The following SRPRA variants were observed in gnomAD, a reference collection of about 807,000 sequenced individuals.
SRPRA encodes signal recognition particle receptor subunit alpha.
Under a neutral mutation model 61.1 loss-of-function variants are expected in SRPRA, and 30 were observed. That is an observed-to-expected ratio of 0.49 (90% CI 0.37 to 0.67). The LOEUF is 0.67. Ranked by LOEUF, SRPRA falls within the 30% of genes least tolerant of loss-of-function variation. SRPRA has a pLI of 0.00. For missense variants in SRPRA, 759 were observed against 828.4 expected (o/e 0.92, Z 1.03); for synonymous variants, 324 against 299.7 (o/e 1.08, Z -0.84).
rs764192882 is a variant in SRPRA, at chr11:126,267,189, C to T, written c.512G>A (p.Gly171Glu). Residue 171 changes from glycine to glutamate, a missense_variant, in exon 4 of 14, where the codon GGG becomes GAG. Transcript: ENST00000332118. The surrounding 1 kb of genome is among the most constrained non-coding windows in gnomAD (Gnocchi z 4.2). ...KEKAKNSKKKGAKKEGSDGPL... is the reference protein window; with the variant it reads ...KEKAKNSKKKEAKKEGSDGPL... ...CTCAAACTTGCCTTCCTTCTTGGCCCCCTTTTTTTTGCTATTCTTTGCTTT... is the reference window on the plus strand; with the variant it reads ...CTCAAACTTGCCTTCCTTCTTGGCCTCCTTTTTTTTGCTATTCTTTGCTTT... The T allele has an allele frequency of 3.8e-5, 62 of 1,613,998 alleles. No individual in the cohort carries two copies. The Admixed American group carries it at 5.2e-4, about 13-fold the overall frequency.
chr11:126,265,108 G>A lies in SRPRA; in HGVS notation c.1376C>T (p.Ala459Val), dbSNP rs775504890. 2.7e-5 allele frequency: 44 copies of A among 1,614,006 alleles called. No homozygotes were observed. Among genetic ancestry groups the A allele is most frequent in the Non-Finnish European group, 3.7e-5 (44 of 1,180,026 alleles). The stretch of plus-strand genomic sequence containing the variant: ...TGTACGCAGCTGCTCCACGGCCCCA[G>A]CACGAAATGTATCACAGGCAGCAAT... ...VLIAACDTFRAGAVEQLRTHT... is the reference protein window; with the variant it reads ...VLIAACDTFRVGAVEQLRTHT... The change falls in exon 11 of 14, where the codon GCT becomes GTT. Residue 459 changes from alanine (A) to valine (V), a missense_variant. This residue lies in a region of SRPRA where 284 missense variants were observed against 365.9 expected (regional missense o/e 0.78). Coordinates refer to ENST00000332118, the MANE Select transcript of SRPRA (RefSeq NM_003139.4). The surrounding 1 kb of genome is among the most constrained non-coding windows in gnomAD (Gnocchi z 6.3).
Position 126,268,722 on chromosome 11 carries a change from G to A in SRPRA, c.83C>T (p.Pro28Leu), listed in dbSNP as rs758181177. 6.2e-7 allele frequency: 1 copy of A among 1,613,874 alleles called. No individual in the cohort carries two copies. Among genetic ancestry groups the A allele is most frequent in the Non-Finnish European group, 8.5e-7 (1 of 1,180,018 alleles). The change falls in exon 1 of 14, where the codon CCC (proline) becomes CTC (leucine). Residue 28 changes from proline (P) to leucine (L), a missense_variant. This residue lies in a region of SRPRA where 475 missense variants were observed against 462.5 expected (regional missense o/e 1.03). Coordinates refer to ENST00000332118, the MANE Select transcript of SRPRA (RefSeq NM_003139.4). ...FQGVSDSCTGPVNALIRSVLL... is the reference protein window; with the variant it reads ...FQGVSDSCTGLVNALIRSVLL... Reference sequence around the variant, plus strand: ...CACGGAACGAATCAACGCGTTAACGGGTCCGGTGCATGAGTCGCTAACGCC... The same window carrying A: ...CACGGAACGAATCAACGCGTTAACGAGTCCGGTGCATGAGTCGCTAACGCC...
chr11:126,261,883 T>G (rs1212835234), downstream of SRPRA, among the ~76,000 whole-genome samples: 1 of 152,050 alleles, frequency 6.6e-6, no homozygotes, highest in African/African-American at 2.4e-5. Flanking sequence ...TCCCGGCTAC[T>G]GGCTGAGGTA....
Position 126,266,089 on chromosome 11 carries a change from G to T in SRPRA, c.933-8C>A. 6.2e-7 allele frequency: 1 copy of T among 1,613,798 alleles called. No individual in the cohort carries two copies. Among genetic ancestry groups the T allele is most frequent in the Non-Finnish European group, 8.5e-7 (1 of 1,179,782 alleles). On this transcript the variant is annotated splice_region_variant and splice_polypyrimidine_tract_variant and intron_variant, in intron 7 of 13. Transcript: ENST00000332118. ...AGTGTTCCCTTGGTCGCACTGCAGG[G>T]ACAGGAGATTACACATACACATAAA... is the stretch of plus-strand genomic sequence containing the variant.
Position 126,265,784 on chromosome 11 carries a change from T to G in SRPRA, c.1091A>C (p.Glu364Ala), listed in dbSNP as rs1950797512. 1 of 1,614,086 alleles carries G rather than the reference T, an allele frequency of 6.2e-7. No individual in the cohort carries two copies. Among genetic ancestry groups the G allele is most frequent in the African/African-American group, 1.3e-5 (1 of 74,916 alleles). The change falls in exon 9 of 14, where the codon GAA becomes GCA. Residue 364 changes from glutamate (E) to alanine (A), a missense_variant. Glu to Ala is a moderately radical substitution (Grantham distance 107). Around this residue, in one of 2 missense-constraint regions of SRPRA, gnomAD observed 475 missense variants for 462.5 expected, o/e 1.03. Transcript: ENST00000332118. This position sits in a 1 kb window ranked among gnomAD's most constrained non-coding sequence, Gnocchi z 6.3. Reference protein sequence around the residue: ...VAADIAVQLCESVANKLEGKV... With the variant: ...VAADIAVQLCASVANKLEGKV... Reference sequence around the variant, plus strand: ...CCCTTCCAACTTGTTGGCAACAGATTCACAGAGCTGGACGGCAATGTCTGC... The same window carrying G: ...CCCTTCCAACTTGTTGGCAACAGATGCACAGAGCTGGACGGCAATGTCTGC...
At chr11:126,256,913 A>G in the SRPRA span, 1 of 1,503,502 alleles carries the variant, frequency 6.7e-7, no homozygotes, top group Non-Finnish European at 9.0e-7. This position sits in a 1 kb window ranked among gnomAD's most constrained non-coding sequence, Gnocchi z 6.6. Context: ...CCTTTTGTGT[A>G]TTTGTGATGT....
In SRPRA at chr11:126,268,115, G is replaced by C. The variant is rs372564837; in HGVS notation, c.118-29C>G. 1.1e-5 allele frequency: 17 copies of C among 1,607,138 alleles called. No individual in the cohort carries two copies. In the African/African-American group the frequency reaches 1.6e-4, roughly 15 times the overall value. ...GAGAAAGAGTATGTCTCAGTGTTCA[G>C]ACTATCCCCAGAAAACCCAGGTTTG... On this transcript the variant is annotated intron_variant, in intron 1 of 13. Transcript: ENST00000332118.
chr11:126,264,236 G>A lies in SRPRA; in HGVS notation c.1743C>T (p.Leu581=). 1.9e-6 allele frequency: 3 copies of A among 1,614,114 alleles called. No homozygotes were observed. Among genetic ancestry groups the A allele is most frequent in the East Asian group, 4.5e-5 (2 of 44,884 alleles). ...ATTTGGTAAGAACAATGCCATCAAT[G>A]AGCCGAGGTGTCTGAGCCATAGAAT... is the stretch of plus-strand genomic sequence containing the variant. ...ADHSMAQTPR[L]IDGIVLTKFD... is the part of the protein sequence containing the mutation. Residue 581 remains leucine (L), a synonymous_variant, in exon 13 of 14, where the codon CTC becomes CTT. Transcript: ENST00000332118. The surrounding 1 kb of genome is among the most constrained non-coding windows in gnomAD (Gnocchi z 5.0).
Position 126,264,599 on chromosome 11 carries a change from C to T in SRPRA, c.1526-60G>A. ...GACTACCACTCATGCTCGTTCCCAG[C>T]TTCCTCTCAAAAAGTCCTAGTTTGA... On this transcript the variant is annotated intron_variant, in intron 11 of 13. Coordinates refer to ENST00000332118, the MANE Select transcript of SRPRA (RefSeq NM_003139.4). This position sits in a 1 kb window ranked among gnomAD's most constrained non-coding sequence, Gnocchi z 5.0. The T allele has an allele frequency of 6.3e-7, 1 of 1,581,030 alleles. No individual in the cohort carries two copies. The highest frequency in any genetic ancestry group is 8.6e-7 in the Non-Finnish European group (1 of 1,163,106).
the SRPRA span, chr11:126,241,106 G>A: frequency 6.8e-7 from 1 of 1,479,824 alleles, no homozygotes; most frequent in Non-Finnish European, 9.1e-7. Flanking sequence ...ATCACAACTA[G>A]CATGATTTGG....
At position 126,267,895 on chromosome 11, in the gene SRPRA, G is replaced by A. The variant is rs531260150; in HGVS notation, c.201+108C>T. ...CTGTTTTCCCCCATCTACCTTTCTA[G>A]TTTTTTCAGTTACGTCATCATATAC... On this transcript the variant is annotated intron_variant, in intron 2 of 13. Coordinates refer to ENST00000332118, the MANE Select transcript of SRPRA (RefSeq NM_003139.4). The surrounding 1 kb of genome is among the most constrained non-coding windows in gnomAD (Gnocchi z 4.2). 5.7e-5 allele frequency: 81 copies of A among 1,424,118 alleles called. No homozygotes were observed. The East Asian group carries it at 1.8e-3, about 31-fold the overall frequency. 88.2% of individuals were successfully genotyped at this position (1,424,118 alleles called of 1,614,324 possible).
At chr11:126,259,886 A>T (rs1167108061), downstream of SRPRA, among the ~76,000 whole-genome samples, 2 of 150,092 alleles carry the variant, frequency 1.3e-5, no homozygotes, top group African/African-American at 4.9e-5. Context: ...ACACCCGGCT[A>T]ATTTTTTGTA....
At chr11:126,262,340 C>A (rs2135231330), downstream of SRPRA, 1,388 of 395,140 alleles carry the variant, frequency 3.5e-3, no homozygotes, top group East Asian at 5.3e-3. Context: ...TGTTCAAGTT[C>A]AAGAATAAAA....
At position 126,265,370 on chromosome 11, in the gene SRPRA, T is replaced by A. The variant is rs1950788511; in HGVS notation, c.1209A>T (p.Val403=). Residue 403 remains valine (V), a synonymous_variant, in exon 10 of 14, where the codon GTA becomes GTT. Coordinates refer to ENST00000332118, the MANE Select transcript of SRPRA (RefSeq NM_003139.4). This position sits in a 1 kb window ranked among gnomAD's most constrained non-coding sequence, Gnocchi z 6.3. The stretch of plus-strand genomic sequence containing the variant: ...CATCCATGATGTCCCGGAGCATGTC[T>A]ACACGACGCTGTGGCTGCAGAATCT... ...LVQILQPQRR[V]DMLRDIMDAQ... 1 of 1,614,014 alleles carries A rather than the reference T, an allele frequency of 6.2e-7. No homozygotes were observed. Among genetic ancestry groups the A allele is most frequent in the African/African-American group, 1.3e-5 (1 of 74,948 alleles).
chr11:126,253,749 C>T, the SRPRA span, among the ~76,000 whole-genome samples: 1 of 152,178 alleles, frequency 6.6e-6, no homozygotes, highest in Non-Finnish European at 1.5e-5. This position sits in a 1 kb window ranked among gnomAD's most constrained non-coding sequence, Gnocchi z 5.1. Flanking sequence ...AGCAATTGGC[C>T]AGGCCATATA....
At chr11:126,241,491 T>C in the SRPRA span, among the ~76,000 whole-genome samples, 3 of 152,202 alleles carry the variant, frequency 2.0e-5, no homozygotes, top group Non-Finnish European at 4.4e-5. Flanking sequence ...TGCACCTTAT[T>C]TTACCAAACT....
chr11:126,256,618 G>A, the SRPRA span: 1 of 1,614,158 alleles, frequency 6.2e-7, no homozygotes, highest in Non-Finnish European at 8.5e-7. This position sits in a 1 kb window ranked among gnomAD's most constrained non-coding sequence, Gnocchi z 6.6. Flanking sequence ...CCTGGGCTGT[G>A]GCTGGACTGT....
chr11:126,260,725 T>C (rs751969034), downstream of SRPRA: 5 of 152,238 alleles, frequency 3.3e-5, no homozygotes, highest in Non-Finnish European at 7.3e-5. Context: ...ATTTGTATAT[T>C]TGAGTACCAT....
At chr11:126,249,082 G>A in the SRPRA span, among the ~76,000 whole-genome samples, 1 of 152,170 alleles carries the variant, frequency 6.6e-6, no homozygotes, top group Non-Finnish European at 1.5e-5. Context: ...CGTATGTTAA[G>A]AAGTAGGAGG....
Sources: allele counts gnomAD v4.1 joint callset (sites outside exome capture counted in the v4.1 genomes callset), GRCh38; gene constraint gnomAD v4.1.1; regional missense constraint gnomAD v4.1.1; non-coding constraint Gnocchi (gnomAD v3.1); transcripts MANE v1.5; gene names NCBI Gene and HGNC (gene_info 2026-07-23, HGNC 2026-07-21).